RASEF: variants seen among roughly 807,000 people sequenced by gnomAD.
RASEF encodes RAS and EF-hand domain containing, also known as ras and EF-hand domain-containing protein.
Under a neutral mutation model 90.1 loss-of-function variants are expected in RASEF, and 68 were observed. That is an observed-to-expected ratio of 0.75 (90% confidence interval 0.62 to 0.92). The LOEUF is 0.92. Among genes scored for constraint, RASEF ranks in the 40% least tolerant of loss-of-function variants. The probability of loss-of-function intolerance (pLI) is 0.00; values close to 1 mark genes in which losing one functional copy is unlikely to be tolerated. For synonymous variants in RASEF, 331 were observed against 345.2 expected (o/e 0.96, Z 0.46); for missense variants, 949 against 937.2 (o/e 1.01, Z -0.16).
chr9:83,086,333 T>C, the RASEF span, among the ~76,000 whole-genome samples: 1 of 152,088 alleles, frequency 6.6e-6, no homozygotes, highest in African/African-American at 2.4e-5. Context: ...AAAATAAATA[T>C]CCATAAAGGG....
At chr9:83,022,301 G>T in intron 3 of RASEF, 35 bp downstream of exon 3, 2 of 1,521,028 alleles carry the variant, frequency 1.3e-6, no homozygotes, top group Non-Finnish European at 1.8e-6. Flanking sequence ...ACCTCATAAA[G>T]ATCTGCTGAA....
the RASEF span, among the ~76,000 whole-genome samples, chr9:83,137,863 T>A: frequency 6.6e-6 from 1 of 150,378 alleles, no homozygotes; most frequent in East Asian, 2.0e-4. Context: ...AAGGGAGAGA[T>A]GGATGTGGGT....
the RASEF span, among the ~76,000 whole-genome samples, chr9:83,169,886 A>G: frequency 1.3e-5 from 2 of 151,698 alleles, no homozygotes; most frequent in Admixed American, 6.6e-5. Context: ...TTGTATCTTC[A>G]CTTTGTTGAT....
chr9:83,016,675 C>T (rs1178453481), intron 3 of RASEF, among the ~76,000 whole-genome samples: 1 of 151,724 alleles, frequency 6.6e-6, no homozygotes, highest in Non-Finnish European at 1.5e-5. Flanking sequence ...GGCATTCTAG[C>T]AGAGAAGACA....
intron 9 of RASEF, among the ~76,000 whole-genome samples, chr9:83,002,004 C>T (rs1026327802): frequency 6.6e-6 from 1 of 152,168 alleles, no homozygotes; most frequent in Non-Finnish European, 1.5e-5. Context: ...GAGAAATTCA[C>T]ATCAAATAAG....
chr9:82,987,730 T>C (rs574241686), intron 16 of RASEF, among the ~76,000 whole-genome samples: 38 of 152,296 alleles, frequency 2.5e-4, no homozygotes, highest in South Asian at 1.0e-3. Flanking sequence ...GTACAGACTG[T>C]CATATACAGA....
the RASEF span, among the ~76,000 whole-genome samples, chr9:83,136,174 C>T: frequency 1.3e-5 from 2 of 152,042 alleles, no homozygotes; most frequent in African/African-American, 4.8e-5. Flanking sequence ...TGCATGTATG[C>T]ATATTGTCTT....
At chr9:83,020,526 T>G (rs941006868) in intron 3 of RASEF, among the ~76,000 whole-genome samples, 1 of 152,206 alleles carries the variant, frequency 6.6e-6, no homozygotes, top group Non-Finnish European at 1.5e-5. Context: ...GCTGCTCAGC[T>G]GGCAGTGACG....
Position 82,980,625 on chromosome 9 carries a change from C to T in RASEF, c.*2052G>A, listed in dbSNP as rs1828580958. Reference sequence around the variant, plus strand: ...TAAAGGCAACACAGTAACATATAAACTAACACAGTTTTGTGCAACTGCACC... The same window carrying T: ...TAAAGGCAACACAGTAACATATAAATTAACACAGTTTTGTGCAACTGCACC... On this transcript the variant is annotated 3_prime_UTR_variant, in exon 17 of 17. Transcript: ENST00000376447. 6.6e-6 allele frequency: 1 copy of T among 152,176 alleles called. No homozygotes were observed. Among genetic ancestry groups the T allele is most frequent in the Admixed American group, 6.5e-5 (1 of 15,282 alleles). 9.4% of individuals were successfully genotyped at this position (152,176 alleles called of 1,614,324 possible).
the RASEF span, among the ~76,000 whole-genome samples, chr9:83,153,122 G>GCCATA: frequency 6.6e-6 from 1 of 152,078 alleles, no homozygotes; most frequent in African/African-American, 2.4e-5. Flanking sequence ...TTTCAACTCA[G>GCCATA]CCATAATGAT....
chr9:82,991,990 T>C (rs975217024), intron 15 of RASEF, among the ~76,000 whole-genome samples: 2 of 152,234 alleles, frequency 1.3e-5, no homozygotes, highest in African/African-American at 4.8e-5. Context: ...ACATGGTGGA[T>C]ACCAATAAAT....
At chr9:83,063,260 C>A, upstream of RASEF, 1 of 200,998 alleles carries the variant, frequency 5.0e-6, no homozygotes, top group East Asian at 1.3e-4. Context: ...GAGTCCACCG[C>A]TGCTTGCCGC....
At chr9:83,000,810 G>T in intron 10 of RASEF, 86 bp downstream of exon 10, 1 of 1,208,462 alleles carries the variant, frequency 8.3e-7, no homozygotes, top group Non-Finnish European at 1.2e-6. Context: ...CTTTAAAACA[G>T]ATTTCCATGA....
the RASEF span, among the ~76,000 whole-genome samples, chr9:83,211,326 A>C: frequency 6.6e-6 from 1 of 152,038 alleles, no homozygotes. Context: ...AACCATGTAG[A>C]ATGTGCTTCA....
intron 1 of RASEF, among the ~76,000 whole-genome samples, chr9:83,034,807 C>T (rs1304146343): frequency 6.6e-6 from 1 of 152,238 alleles, no homozygotes; most frequent in Non-Finnish European, 1.5e-5. Flanking sequence ...CCAAACACTT[C>T]ACCTCTCCAG....
the RASEF span, among the ~76,000 whole-genome samples, chr9:83,166,402 A>G: frequency 6.6e-6 from 1 of 152,102 alleles, no homozygotes; most frequent in African/African-American, 2.4e-5. Context: ...CCTGGCAAGA[A>G]CTCTTAATTA....
intron 1 of RASEF, among the ~76,000 whole-genome samples, chr9:83,046,039 AC>A (rs200621297): frequency 0.022 from 3,393 of 151,624 alleles, 114 homozygotes; most frequent in African/African-American, 0.077. Context: ...AAAAAAAAAA[AC>A]CCTGCAAAAT....
At chr9:83,045,406 G>C (rs983206060) in intron 1 of RASEF, among the ~76,000 whole-genome samples, 2 of 152,152 alleles carry the variant, frequency 1.3e-5, no homozygotes, top group African/African-American at 4.8e-5. Flanking sequence ...CAACAGGGCA[G>C]GTCACTTCCC....
the RASEF span, among the ~76,000 whole-genome samples, chr9:83,132,290 C>T: frequency 2.6e-5 from 4 of 152,114 alleles, no homozygotes; most frequent in African/African-American, 9.7e-5. Context: ...TGTGAGGAAA[C>T]CCAATCTAGC....
Sources: allele counts gnomAD v4.1 joint callset (sites outside exome capture counted in the v4.1 genomes callset), GRCh38; gene constraint gnomAD v4.1.1; transcripts MANE v1.5; gene names NCBI Gene and HGNC (gene_info 2026-07-23, HGNC 2026-07-21).